SBF2: variants seen among roughly 807,000 people sequenced by gnomAD.
SBF2 encodes SET binding factor 2.
A neutral mutation model predicts 225.2 loss-of-function variants in SBF2; 112 were observed. The ratio of observed to expected loss-of-function variants is 0.50; its 90% CI spans 0.43 to 0.58. The LOEUF (loss-of-function observed/expected upper bound fraction) is 0.58. SBF2 is among the 20% of genes least tolerant of loss of function. SBF2 has a pLI of 0.00. For synonymous variants in SBF2, 763 were observed against 773.3 expected (o/e 0.99, Z 0.22); for missense variants, 1,996 against 2,206.2 (o/e 0.90, Z 1.91).
chr11:9,893,047 A>G (rs1450467612), intron 17 of SBF2, among the ~76,000 whole-genome samples: 1 of 152,220 alleles, frequency 6.6e-6, no homozygotes, highest in Non-Finnish European at 1.5e-5. Context: ...TACTCAATAA[A>G]CTTTTGTTCC....
intron 1 of SBF2, among the ~76,000 whole-genome samples, chr11:10,293,651 A>T (rs1964314503): frequency 6.6e-6 from 1 of 152,198 alleles, no homozygotes; most frequent in Non-Finnish European, 1.5e-5. Flanking sequence ...AACTTAGCAC[A>T]GTTGGCTCCC....
intron 2 of SBF2, among the ~76,000 whole-genome samples, chr11:10,188,546 T>C (rs1043086037): frequency 1.3e-5 from 2 of 152,186 alleles, no homozygotes; most frequent in African/African-American, 4.8e-5. Flanking sequence ...GGAAAGATTT[T>C]CTAGCATAAC....
At chr11:9,955,308 T>TATAC (rs35368286) in intron 16 of SBF2, among the ~76,000 whole-genome samples, 5,017 of 152,002 alleles carry the variant, frequency 0.033, 304 homozygotes, top group East Asian at 0.18. Context: ...TTTACTATCA[T>TATAC]ATACATACAT....
intron 2 of SBF2, among the ~76,000 whole-genome samples, chr11:10,093,396 A>C (rs10840364): frequency 0.44 from 65,495 of 149,504 alleles, 14,937 homozygotes; most frequent in Admixed American, 0.55. Flanking sequence ...AAAAAAAAAA[A>C]CAAAAAAAAA....
At chr11:9,987,192 G>C (rs1222527940) in intron 13 of SBF2, among the ~76,000 whole-genome samples, 1 of 152,064 alleles carries the variant, frequency 6.6e-6, no homozygotes, top group East Asian at 1.9e-4. Context: ...CATTTCAATA[G>C]ATGCAGACAA....
intron 2 of SBF2, among the ~76,000 whole-genome samples, chr11:10,126,253 A>G (rs549059761): frequency 1.1e-3 from 172 of 152,242 alleles, no homozygotes; most frequent in African/African-American, 3.7e-3. Context: ...TCTCAACCCT[A>G]ATACTGTATA....
intron 6 of SBF2, among the ~76,000 whole-genome samples, chr11:10,028,082 T>C (rs1949114049): frequency 6.6e-6 from 1 of 152,088 alleles, no homozygotes; most frequent in Non-Finnish European, 1.5e-5. Context: ...GCTAATGTTT[T>C]AAAATTTTTT....
At chr11:10,228,048 C>G (rs10840376) in intron 1 of SBF2, among the ~76,000 whole-genome samples, 72,847 of 149,426 alleles carry the variant, frequency 0.49, 18,161 homozygotes, top group Non-Finnish European at 0.54. Context: ...TCCCTTGTAA[C>G]TTGGATTCCT....
chr11:10,110,604 TTCA>T (rs1407082341), intron 2 of SBF2, among the ~76,000 whole-genome samples: 1 of 152,102 alleles, frequency 6.6e-6, no homozygotes, highest in African/African-American at 2.4e-5. Context: ...GTCTCAAAAT[TTCA>T]AATTACTTTA....
At chr11:10,037,708 C>T (rs780231581) in intron 3 of SBF2, among the ~76,000 whole-genome samples, 32 of 148,402 alleles carry the variant, frequency 2.2e-4, no homozygotes, top group Non-Finnish European at 5.9e-5. Flanking sequence ...AAATTTTTTC[C>T]TGCATGTTCT....
intron 14 of SBF2, among the ~76,000 whole-genome samples, chr11:9,964,740 C>G (rs757219874): frequency 5.3e-5 from 8 of 152,032 alleles, no homozygotes; most frequent in Non-Finnish European, 1.0e-4. Flanking sequence ...GGCTACTAAG[C>G]TAGTTACCTA....
chr11:10,084,567 A>G (rs1951486424), intron 2 of SBF2, among the ~76,000 whole-genome samples: 1 of 152,206 alleles, frequency 6.6e-6, no homozygotes. Context: ...ATATCCAGCA[A>G]TCCCACTACT....
At chr11:9,822,047 T>C (rs1021353867) in intron 28 of SBF2, among the ~76,000 whole-genome samples, 26 of 152,162 alleles carry the variant, frequency 1.7e-4, no homozygotes, top group Non-Finnish European at 1.9e-4. Context: ...ACTATAATAA[T>C]AATGACAACT....
At chr11:9,849,258 C>T (rs1386725197) in intron 22 of SBF2, among the ~76,000 whole-genome samples, 1 of 151,996 alleles carries the variant, frequency 6.6e-6, no homozygotes, top group African/African-American at 2.4e-5. Flanking sequence ...CAATGAAAGC[C>T]CAATCTCCCA....
intron 2 of SBF2, among the ~76,000 whole-genome samples, chr11:10,104,749 C>G (rs1312296020): frequency 6.6e-6 from 1 of 151,828 alleles, no homozygotes; most frequent in African/African-American, 2.4e-5. Context: ...TACTCAGCCT[C>G]TTCCCATAAT....
In SBF2 at chr11:10,006,681, C is replaced by T. The variant is rs957615146; in HGVS notation, c.620-3992G>A. 2.0e-5 allele frequency among the ~76,000 whole-genome samples: 3 copies of T among 152,302 alleles called. No homozygotes were observed. The South Asian group carries it at 6.2e-4, about 32-fold the overall frequency. ...ATCCAAGGGATGCTGTTTTTGGAAGCATAAGAAGGCTTTCCATGATTATTC... is the reference window on the plus strand; with the variant it reads ...ATCCAAGGGATGCTGTTTTTGGAAGTATAAGAAGGCTTTCCATGATTATTC... On this transcript the variant is annotated intron_variant, in intron 6 of 39. Coordinates refer to ENST00000256190, the MANE Select transcript of SBF2 (RefSeq NM_030962.4).
intron 22 of SBF2, among the ~76,000 whole-genome samples, chr11:9,848,151 A>T (rs1856687097): frequency 6.6e-6 from 1 of 152,118 alleles, no homozygotes; most frequent in Non-Finnish European, 1.5e-5. Context: ...ACATTTCTTC[A>T]TTTATTATAA....
intron 1 of SBF2, among the ~76,000 whole-genome samples, chr11:10,288,981 C>T (rs12291905): frequency 6.6e-6 from 1 of 152,140 alleles, no homozygotes; most frequent in Non-Finnish European, 1.5e-5. Context: ...CCGCCATCCA[C>T]GACGCCCAGG....
chr11:9,798,906 C>G (rs1210904506), intron 32 of SBF2, among the ~76,000 whole-genome samples: 1 of 149,336 alleles, frequency 6.7e-6, no homozygotes, highest in South Asian at 2.1e-4. Flanking sequence ...GAGCCGAGAT[C>G]GCGCCACCGC....
Sources: gnomAD v4.1 joint callset for allele counts (sites outside exome capture counted in the v4.1 genomes callset) on GRCh38, gnomAD v4.1.1 for gene constraint, MANE v1.5 for transcripts, NCBI Gene and HGNC (gene_info 2026-07-23, HGNC 2026-07-21) for gene names.